MAGI2: variants seen among roughly 807,000 people sequenced by gnomAD.
MAGI2 encodes the protein membrane-associated guanylate kinase, WW and PDZ domain-containing protein 2.
MAGI2 carries 35 observed loss-of-function variants against 133.3 expected under a neutral mutation model. The ratio of observed to expected loss-of-function variants is 0.26; its 90% CI spans 0.20 to 0.35. The LOEUF is 0.35. Ranked by LOEUF, MAGI2 falls within the 10% of genes least tolerant of loss-of-function variation. The probability of loss-of-function intolerance (pLI) is 1.00; values close to 1 mark genes in which losing one functional copy is unlikely to be tolerated. For synonymous variants in MAGI2, 729 were observed against 710.6 expected, an observed-to-expected ratio of 1.03 and a Z score of -0.41; for missense variants, 1,636 against 1,863.4, an observed-to-expected ratio of 0.88 and a Z score of 2.25.
intron 1 of MAGI2, among the ~76,000 whole-genome samples, chr7:79,366,923 T>C (rs1360205835): frequency 1.3e-5 from 2 of 152,216 alleles, no homozygotes; most frequent in African/African-American, 4.8e-5. Context: ...TTATTAAATA[T>C]GACAGTTCAC....
At chr7:78,425,164 T>G (rs1799166141) in intron 6 of MAGI2, among the ~76,000 whole-genome samples, 1 of 152,152 alleles carries the variant, frequency 6.6e-6, no homozygotes, top group Non-Finnish European at 1.5e-5. Flanking sequence ...GGGTCTTTCC[T>G]GTGCTGTTCT....
intron 21 of MAGI2, among the ~76,000 whole-genome samples, chr7:78,020,572 C>CAA (rs67109509): frequency 4.3e-4 from 64 of 147,262 alleles, no homozygotes; most frequent in Admixed American, 1.7e-3. Context: ...CTGATGGGCT[C>CAA]AAAAAAAAAA....
intron 6 of MAGI2, among the ~76,000 whole-genome samples, chr7:78,379,883 C>A (rs1274526202): frequency 2.6e-5 from 4 of 151,886 alleles, no homozygotes; most frequent in Admixed American, 2.6e-4. Context: ...ATGTTAGTGT[C>A]AAAATTATGA....
At chr7:78,594,030 C>T (rs1466739390) in intron 3 of MAGI2, among the ~76,000 whole-genome samples, 2 of 152,146 alleles carry the variant, frequency 1.3e-5, no homozygotes, top group African/African-American at 2.4e-5. Context: ...TTTGAACATG[C>T]TCACAGATGT....
intron 1 of MAGI2, among the ~76,000 whole-genome samples, chr7:79,180,035 A>C (rs927565598): frequency 4.6e-5 from 7 of 152,040 alleles, no homozygotes; most frequent in African/African-American, 1.7e-4. Context: ...CTAATAGGGG[A>C]GTAAAATCCT....
At chr7:78,678,080 G>T (rs977636430) in intron 2 of MAGI2, among the ~76,000 whole-genome samples, 1 of 152,096 alleles carries the variant, frequency 6.6e-6, no homozygotes, top group Non-Finnish European at 1.5e-5. Context: ...AGGCAGTACC[G>T]ATCAGAGAGA....
chr7:78,515,850 G>A, intron 4 of MAGI2, among the ~76,000 whole-genome samples: 1 of 151,138 alleles, frequency 6.6e-6, no homozygotes. Context: ...GGTGAACCGA[G>A]ATCACACCAT....
chr7:78,873,361 A>G (rs1795183659), intron 2 of MAGI2, among the ~76,000 whole-genome samples: 1 of 152,064 alleles, frequency 6.6e-6, no homozygotes, highest in Non-Finnish European at 1.5e-5. Context: ...ATTTACAGCC[A>G]CTTCCCATCG....
chr7:79,394,660 G>C (rs1485265111), intron 1 of MAGI2, among the ~76,000 whole-genome samples: 1 of 152,156 alleles, frequency 6.6e-6, no homozygotes, highest in East Asian at 1.9e-4. Context: ...TCTTCCTAAG[G>C]CTGTGCCATG....
At chr7:78,839,709 G>T (rs1325554685) in intron 2 of MAGI2, among the ~76,000 whole-genome samples, 2 of 152,046 alleles carry the variant, frequency 1.3e-5, no homozygotes, top group African/African-American at 4.8e-5. Context: ...GGGGGAAATT[G>T]CCTCCCATGG....
chr7:78,946,970 A>G (rs1167248655), intron 2 of MAGI2: 4 of 152,174 alleles, frequency 2.6e-5, no homozygotes, highest in Admixed American at 2.0e-4. Context: ...AATGAATTTT[A>G]TAATTAACCA....
intron 21 of MAGI2, chr7:78,078,734 A>C: frequency 1.6e-6 from 1 of 612,444 alleles, no homozygotes; most frequent in South Asian, 2.0e-5. Context: ...AGGGAGCAAA[A>C]GAAAGAGTTC....
intron 1 of MAGI2, among the ~76,000 whole-genome samples, chr7:79,305,180 G>T (rs1837685290): frequency 6.6e-6 from 1 of 152,154 alleles, no homozygotes; most frequent in African/African-American, 2.4e-5. Context: ...GAATTTGGGG[G>T]ACTAGTGGCA....
Position 78,594,422 on chromosome 7 carries a change from G to A in MAGI2, c.538+32698C>T, listed in dbSNP as rs936146106. Among the ~76,000 whole-genome samples, 4 of 152,010 alleles carry A rather than the reference G, an allele frequency of 2.6e-5. No individual in the cohort carries two copies. In the East Asian group the frequency reaches 5.8e-4, roughly 22 times the overall value. ...AGAGTTTTGTCCAGGCTTTTTCCGG[G>A]CCTTGAAGCATGACAAGATAACAAA... On this transcript the variant is annotated intron_variant, in intron 3 of 21. Transcript: ENST00000354212.
chr7:79,260,363 A>AATACATAC (rs61427819), intron 1 of MAGI2, among the ~76,000 whole-genome samples: 2 of 149,124 alleles, frequency 1.3e-5, no homozygotes, highest in South Asian at 2.2e-4. Context: ...TCTCTAAGTA[A>AATACATAC]ATACATACAT....
At chr7:79,117,975 A>C (rs1449895810) in intron 1 of MAGI2, among the ~76,000 whole-genome samples, 1 of 152,192 alleles carries the variant, frequency 6.6e-6, no homozygotes, top group Non-Finnish European at 1.5e-5. Flanking sequence ...GGTGTTCTCT[A>C]TTGTAAACTT....
intron 10 of MAGI2, among the ~76,000 whole-genome samples, chr7:78,245,821 C>G (rs1170785406): frequency 6.6e-6 from 1 of 152,146 alleles, no homozygotes; most frequent in Non-Finnish European, 1.5e-5. Flanking sequence ...ATGCTCCCTC[C>G]AGAAAAGAAG....
rs1015361935 is a variant in MAGI2, at chr7:78,379,562, C to A, written c.1046-10349G>T. ...AACCACCTTCACAAAACAGTAACTACAGGAGCTGTGAGGAAAAACACACTA... is the reference window on the plus strand; with the variant it reads ...AACCACCTTCACAAAACAGTAACTAAAGGAGCTGTGAGGAAAAACACACTA... On this transcript the variant is annotated intron_variant, in intron 6 of 21. Transcript: ENST00000354212. Among the ~76,000 whole-genome samples the A allele has an allele frequency of 3.0e-4, 45 of 151,990 alleles. 1 individual carries two copies. The highest frequency in any genetic ancestry group is 8.8e-5 in the Non-Finnish European group (6 of 67,908).
At chr7:78,020,473 A>G (rs1563011350) in intron 21 of MAGI2, among the ~76,000 whole-genome samples, 1 of 152,150 alleles carries the variant, frequency 6.6e-6, no homozygotes, top group Non-Finnish European at 1.5e-5. Context: ...ATTCTGAAAA[A>G]GGTGGCCTAG....
Sources: gnomAD v4.1 joint callset for allele counts (sites outside exome capture counted in the v4.1 genomes callset) on GRCh38, gnomAD v4.1.1 for gene constraint, MANE v1.5 for transcripts, NCBI Gene and HGNC (gene_info 2026-07-23, HGNC 2026-07-21) for gene names.